ANKRD17: variants seen among roughly 807,000 people sequenced by gnomAD.
ANKRD17 encodes the protein ankyrin repeat domain 17.
Under a neutral mutation model 229.7 loss-of-function variants are expected in ANKRD17, and 19 were observed. The observed-to-expected ratio is 0.08, with a 90% CI of 0.06 to 0.12. The LOEUF (loss-of-function observed/expected upper bound fraction) is 0.12, where lower values mean the gene tolerates loss of function less well. Among genes scored for constraint, ANKRD17 ranks in the 10% least tolerant of loss-of-function variants. ANKRD17 has a pLI of 1.00. For synonymous variants in ANKRD17, 1,112 were observed against 1,146.1 expected (o/e 0.97, Z 0.60); for missense variants, 2,176 against 3,176.8 (o/e 0.68, Z 7.57).
At chr4:73,180,442 A>C (rs1012567986) in intron 1 of ANKRD17, among the ~76,000 whole-genome samples, 2 of 152,132 alleles carry the variant, frequency 1.3e-5, no homozygotes, top group Admixed American at 6.5e-5. Flanking sequence ...AGATATCCTA[A>C]CTAGCCTGGT....
chr4:73,100,253 G>A (rs1412809426), intron 25 of ANKRD17, among the ~76,000 whole-genome samples: 1 of 152,174 alleles, frequency 6.6e-6, no homozygotes, highest in African/African-American at 2.4e-5. Flanking sequence ...GCTGGCACAT[G>A]GCAGGCTGGG....
chr4:73,205,565 T>C (rs1023430775), intron 1 of ANKRD17, among the ~76,000 whole-genome samples: 18 of 152,112 alleles, frequency 1.2e-4, no homozygotes, highest in African/African-American at 4.3e-4. Context: ...TTACATCCTA[T>C]CTCACAACAA....
intron 2 of ANKRD17, among the ~76,000 whole-genome samples, chr4:73,164,908 TA>T (rs1276446686): frequency 2.0e-5 from 3 of 149,996 alleles, no homozygotes; most frequent in Non-Finnish European, 4.4e-5. Flanking sequence ...AAATATTATT[TA>T]TATTATTATT....
At position 73,121,631 on chromosome 4, in the gene ANKRD17, A is replaced by C; in HGVS notation, c.3621T>G (p.Ala1207=). Residue 1207 remains alanine (A), a synonymous_variant, in exon 19 of 34, where the codon GCT becomes GCG. Coordinates refer to ENST00000358602, the MANE Select transcript of ANKRD17 (RefSeq NM_032217.5). ...ATACAACTTGCCTAGAGTTAATCTC[A>C]GCTCCTGCATTTAGTAATATTTTGA... is the stretch of plus-strand genomic sequence containing the variant. ...NIIKILLNAG[A]EINSRTGSKL... 1.9e-6 allele frequency: 3 copies of C among 1,613,750 alleles called. No individual in the cohort carries two copies. The highest frequency in any genetic ancestry group is 2.5e-6 in the Non-Finnish European group (3 of 1,179,730).
At chr4:73,174,191 ACTAG>A (rs1734428414) in intron 2 of ANKRD17, among the ~76,000 whole-genome samples, 1 of 152,108 alleles carries the variant, frequency 6.6e-6, no homozygotes, top group Non-Finnish European at 1.5e-5. Context: ...TCAACAAAAT[ACTAG>A]CTAACAGAAT....
intron 1 of ANKRD17, among the ~76,000 whole-genome samples, chr4:73,249,729 G>A (rs1203498748): frequency 6.6e-6 from 1 of 152,152 alleles, no homozygotes; most frequent in Admixed American, 6.5e-5. Context: ...TGGCGCCGGC[G>A]CCTGTAGCCC....
intron 1 of ANKRD17, among the ~76,000 whole-genome samples, chr4:73,179,349 T>A (rs1251499668): frequency 6.7e-6 from 1 of 150,044 alleles, no homozygotes; most frequent in Non-Finnish European, 1.5e-5. Flanking sequence ...TAACTCCTTA[T>A]GGCAAGGAGA....
rs1360598803 is a variant in ANKRD17 at position 73,258,660 on chromosome 4, C to G, written c.9G>C (p.Lys3Asn). 1.4e-6 allele frequency: 2 copies of G among 1,480,334 alleles called. No individual in the cohort carries two copies. The highest frequency in any genetic ancestry group is 2.9e-5 in the African/African-American group (2 of 67,998). The allele number at this position is 1,480,334 out of a possible 1,614,324, so 91.7% of individuals were successfully genotyped here. The change falls in exon 1 of 34, where the codon AAG (lysine) becomes AAC (asparagine). Residue 3 changes from lysine to asparagine, a missense_variant. Around this residue, in one of 18 missense-constraint regions of ANKRD17, gnomAD observed 196 missense variants for 190.0 expected, o/e 1.03. Transcript: ENST00000358602. The part of the protein sequence containing the change: ME[K>N]ATVPVAAATA... ...TCGCCGCCGCCACCGGAACCGTCGCCTTCTCCATCCCCAGGGAAAGAGGGA... is the reference window on the plus strand; with the variant it reads ...TCGCCGCCGCCACCGGAACCGTCGCGTTCTCCATCCCCAGGGAAAGAGGGA...
intron 11 of ANKRD17, among the ~76,000 whole-genome samples, chr4:73,144,516 T>C (rs1730003716): frequency 6.6e-6 from 1 of 152,198 alleles, no homozygotes; most frequent in Admixed American, 6.5e-5. Context: ...CCCTTTCCTT[T>C]ATACGTTTCA....
intron 1 of ANKRD17, among the ~76,000 whole-genome samples, chr4:73,227,121 C>T (rs990500347): frequency 2.0e-5 from 3 of 152,054 alleles, no homozygotes; most frequent in African/African-American, 7.2e-5. Context: ...TTGTCTAAAA[C>T]CTGTCATCCT....
chr4:73,175,682 G>A (rs1734643053), intron 2 of ANKRD17, among the ~76,000 whole-genome samples: 1 of 152,088 alleles, frequency 6.6e-6, no homozygotes, highest in Admixed American at 6.5e-5. Context: ...TTTTGACAAA[G>A]TTGCCAAGAA....
At chr4:73,175,079 T>C (rs1010676758) in intron 2 of ANKRD17, among the ~76,000 whole-genome samples, 2 of 152,198 alleles carry the variant, frequency 1.3e-5, no homozygotes, top group African/African-American at 4.8e-5. Context: ...GCAATCTATA[T>C]TGGTCTGTTT....
intron 24 of ANKRD17, among the ~76,000 whole-genome samples, chr4:73,111,286 G>A: frequency 6.6e-6 from 1 of 152,112 alleles, no homozygotes; most frequent in Non-Finnish European, 1.5e-5. Flanking sequence ...GCACTTTGGG[G>A]CCATTATTAA....
intron 22 of ANKRD17, among the ~76,000 whole-genome samples, chr4:73,117,623 G>A (rs562406827): frequency 1.4e-4 from 22 of 152,178 alleles, no homozygotes; most frequent in African/African-American, 4.1e-4. Context: ...AAAGAACAGC[G>A]GTCAGAGATA....
intron 24 of ANKRD17, among the ~76,000 whole-genome samples, chr4:73,108,700 G>C (rs1321777266): frequency 6.6e-6 from 1 of 152,190 alleles, no homozygotes. Context: ...GGAGTTGAGA[G>C]CCAGCCTGTC....
In ANKRD17 at chr4:73,120,863, TC is replaced by T; in HGVS notation, c.3849+17del. ...TCAAAGCAATAAATTCATGTGTAAA[TC>T]TCAGACTTTTTCTTACCTTAGCTCT... On this transcript the variant is annotated intron_variant, in intron 20 of 33. Transcript: ENST00000358602. 6.2e-7 allele frequency: 1 copy of T among 1,603,606 alleles called. No individual in the cohort carries two copies. Among genetic ancestry groups the T allele is most frequent in the Non-Finnish European group, 8.5e-7 (1 of 1,173,744 alleles).
intron 1 of ANKRD17, among the ~76,000 whole-genome samples, chr4:73,204,882 A>G (rs1470511631): frequency 6.6e-6 from 1 of 151,920 alleles, no homozygotes; most frequent in Non-Finnish European, 1.5e-5. Flanking sequence ...ATACACCAAT[A>G]AAAGGGACAA....
chr4:73,217,648 C>T (rs923995250), intron 1 of ANKRD17, among the ~76,000 whole-genome samples: 4 of 152,096 alleles, frequency 2.6e-5, no homozygotes, highest in Non-Finnish European at 5.9e-5. Flanking sequence ...AGGCACGAGC[C>T]ACTCACTGCA....
chr4:73,109,021 G>A (rs1261650906), intron 24 of ANKRD17, among the ~76,000 whole-genome samples: 4 of 152,198 alleles, frequency 2.6e-5, no homozygotes, highest in African/African-American at 9.6e-5. Context: ...TATCTAGGCT[G>A]GGCATGATGG....
Sources: allele counts gnomAD v4.1 joint callset (sites outside exome capture counted in the v4.1 genomes callset), GRCh38; gene constraint gnomAD v4.1.1; regional missense constraint gnomAD v4.1.1; transcripts MANE v1.5; gene names NCBI Gene and HGNC (gene_info 2026-07-23, HGNC 2026-07-21).